The following EYA4 variants were observed in gnomAD, a reference collection of about 807,000 sequenced individuals.
EYA4 encodes the protein EYA transcriptional coactivator and phosphatase 4.
Under a neutral mutation model 87.9 loss-of-function variants are expected in EYA4, and 31 were observed. The observed-to-expected ratio is 0.35, with a 90% CI of 0.27 to 0.48. EYA4 has a LOEUF of 0.48. EYA4 is among the 20% of genes least tolerant of loss of function. The pLI, the probability that EYA4 is intolerant of heterozygous loss-of-function variation, is 0.99. For synonymous variants in EYA4, 263 were observed against 270.6 expected (o/e 0.97, Z 0.28); for missense variants, 678 against 761.4 (o/e 0.89, Z 1.29).
At chr6:133,408,746 G>A (rs1464298398) in intron 3 of EYA4, among the ~76,000 whole-genome samples, 2 of 152,176 alleles carry the variant, frequency 1.3e-5, no homozygotes, top group East Asian at 3.9e-4. Flanking sequence ...GCGCGACTAA[G>A]TACTCAGTGA....
intron 6 of EYA4, among the ~76,000 whole-genome samples, chr6:133,458,609 G>C (rs1794110670): frequency 6.6e-6 from 1 of 152,054 alleles, no homozygotes; most frequent in Non-Finnish European, 1.5e-5. Context: ...ATCTATCCCA[G>C]AATGCCAGCA....
At chr6:133,359,396 G>A (rs1784301536) in intron 2 of EYA4, among the ~76,000 whole-genome samples, 1 of 152,204 alleles carries the variant, frequency 6.6e-6, no homozygotes, top group Admixed American at 6.5e-5. Flanking sequence ...CTAATGGGCT[G>A]TTGAGGTGTG....
At chr6:133,250,569 A>G (rs140085143) in intron 1 of EYA4, among the ~76,000 whole-genome samples, 4,558 of 151,986 alleles carry the variant, frequency 0.03, 215 homozygotes, top group African/African-American at 0.1. Context: ...TTGAACCCAG[A>G]AGGCAGAGGT....
intron 3 of EYA4, among the ~76,000 whole-genome samples, chr6:133,398,838 A>T (rs1469427528): frequency 6.6e-6 from 1 of 152,196 alleles, no homozygotes; most frequent in East Asian, 1.9e-4. Flanking sequence ...CGTATTTAGT[A>T]AAACCTTGTC....
intron 1 of EYA4, among the ~76,000 whole-genome samples, chr6:133,264,864 G>T (rs1000849935): frequency 6.6e-6 from 1 of 151,996 alleles, no homozygotes; most frequent in Non-Finnish European, 1.5e-5. Context: ...GAGGGTCTCC[G>T]CTCTGTCACC....
chr6:133,419,388 G>A (rs3777842), intron 3 of EYA4, among the ~76,000 whole-genome samples: 7,813 of 152,128 alleles, frequency 0.051, 588 homozygotes, highest in African/African-American at 0.16. Context: ...GTTATCTCTT[G>A]ATACACCTCA....
intron 1 of EYA4, among the ~76,000 whole-genome samples, chr6:133,254,190 G>C (rs1001996043): frequency 3.3e-5 from 5 of 152,126 alleles, no homozygotes; most frequent in Admixed American, 3.3e-4. Flanking sequence ...TTCTCGTTGA[G>C]GTTTATGGTC....
At chr6:133,278,563 C>T (rs1777369851) in intron 2 of EYA4, among the ~76,000 whole-genome samples, 1 of 152,074 alleles carries the variant, frequency 6.6e-6, no homozygotes, top group Non-Finnish European at 1.5e-5. Context: ...TAATGAGTAG[C>T]CTGACAAATT....
In EYA4 at chr6:133,372,764, A is replaced by G. The variant is rs566399887; in HGVS notation, c.34-9628A>G. ...TGTTCTAGAAATATTTATATTTTAT[A>G]TAAATTAATCTACAGATATATAGAG... On this transcript the variant is annotated intron_variant, in intron 2 of 19. Transcript: ENST00000355286. Among the ~76,000 whole-genome samples the G allele has an allele frequency of 9.9e-5, 15 of 151,702 alleles. No individual in the cohort carries two copies. The South Asian group carries it at 3.1e-3, about 31-fold the overall frequency.
chr6:133,413,903 C>T (rs1035363392), intron 3 of EYA4, among the ~76,000 whole-genome samples: 4 of 152,216 alleles, frequency 2.6e-5, no homozygotes, highest in African/African-American at 9.6e-5. Flanking sequence ...ATCGTGCCTT[C>T]TTCATCACAG....
At position 133,531,286 on chromosome 6, in the gene EYA4, C is replaced by G; in HGVS notation, c.*2481C>G. ...CTGGCACAACAATGGTGCAGGCCCA[C>G]GAGCCAGCATCACAGCTTGGCCATG... is the stretch of plus-strand genomic sequence containing the variant. On this transcript the variant is annotated 3_prime_UTR_variant, in exon 20 of 20. Transcript: ENST00000355286. 1 of 1,304,122 alleles carries G rather than the reference C, an allele frequency of 7.7e-7. No homozygotes were observed. The highest frequency in any genetic ancestry group is 2.5e-5 in the East Asian group (1 of 39,758). The allele number at this position is 1,304,122 out of a possible 1,614,324, so 80.8% of individuals were successfully genotyped here.
chr6:133,487,358 G>A (rs1796770381), intron 13 of EYA4, among the ~76,000 whole-genome samples: 1 of 152,126 alleles, frequency 6.6e-6, no homozygotes, highest in African/African-American at 2.4e-5. Flanking sequence ...TGAAGCCAGT[G>A]GACTCGGCAG....
intron 4 of EYA4, among the ~76,000 whole-genome samples, chr6:133,447,756 T>C (rs751067887): frequency 5.3e-5 from 8 of 152,200 alleles, no homozygotes; most frequent in Non-Finnish European, 1.0e-4. Context: ...GTTTATGATG[T>C]TTATTTGTCT....
At chr6:133,390,777 T>C (rs1445314710) in intron 3 of EYA4, among the ~76,000 whole-genome samples, 1 of 152,238 alleles carries the variant, frequency 6.6e-6, no homozygotes, top group East Asian at 1.9e-4. Context: ...GTAATACTTA[T>C]CTGGTAAGTT....
chr6:133,435,701 G>C (rs144437859), intron 3 of EYA4: 51 of 152,294 alleles, frequency 3.3e-4, no homozygotes, highest in African/African-American at 1.1e-3. Context: ...ACTTTTTCCA[G>C]AAAGTGGGAA....
chr6:133,308,864 A>G (rs1414880922), intron 2 of EYA4, among the ~76,000 whole-genome samples: 1 of 152,142 alleles, frequency 6.6e-6, no homozygotes, highest in Non-Finnish European at 1.5e-5. Flanking sequence ...ATGTATTTTT[A>G]TGCATAGAAA....
At chr6:133,440,002 A>C (rs1013312398) in intron 3 of EYA4, among the ~76,000 whole-genome samples, 6 of 152,178 alleles carry the variant, frequency 3.9e-5, no homozygotes, top group African/African-American at 1.2e-4. Context: ...GGCTAACCTC[A>C]CTTATTTTCT....
At chr6:133,483,843 C>T (rs1796463169) in intron 13 of EYA4, among the ~76,000 whole-genome samples, 1 of 151,830 alleles carries the variant, frequency 6.6e-6, no homozygotes, top group Non-Finnish European at 1.5e-5. Context: ...CCTGCCTCAG[C>T]CTCTCGAGTA....
rs1011037333 is a variant in EYA4 at position 133,293,295 on chromosome 6, AT to A, written c.33+18491del. On this transcript the variant is annotated intron_variant, in intron 2 of 19. Coordinates refer to ENST00000355286, the MANE Select transcript of EYA4 (RefSeq NM_004100.5). ...TATGAGACACATCACCTGCAGAATGATTTTTTTTTCTATTACAGTTGACACA... is the reference window on the plus strand; with the variant it reads ...TATGAGACACATCACCTGCAGAATGATTTTTTTTCTATTACAGTTGACACA... Among the ~76,000 whole-genome samples the A allele has an allele frequency of 1.7e-3, 253 of 151,660 alleles. 1 individual carries two copies. The highest frequency in any genetic ancestry group is 5.4e-3 in the African/African-American group (222 of 41,344).
Sources: gnomAD v4.1 joint callset for allele counts (sites outside exome capture counted in the v4.1 genomes callset) on GRCh38, gnomAD v4.1.1 for gene constraint, MANE v1.5 for transcripts, NCBI Gene and HGNC (gene_info 2026-07-23, HGNC 2026-07-21) for gene names.